MAP4K5: variants seen among roughly 807,000 people sequenced by gnomAD.
MAP4K5 encodes the protein MAPK/ERK kinase kinase kinase 5.
A neutral mutation model predicts 135.6 loss-of-function variants in MAP4K5; 82 were observed. The observed-to-expected ratio is 0.60, with a 90% CI of 0.51 to 0.73. MAP4K5 has a LOEUF of 0.73. MAP4K5 is among the 30% of genes least tolerant of loss of function. The probability of loss-of-function intolerance (pLI) is 0.00; values close to 1 mark genes in which losing one functional copy is unlikely to be tolerated. For synonymous variants in MAP4K5, 347 were observed against 335.0 expected (o/e 1.04, Z -0.39); for missense variants, 907 against 1,010.9 (o/e 0.90, Z 1.39).
chr14:50,510,555 T>C (rs1397447065), intron 2 of MAP4K5, among the ~76,000 whole-genome samples: 2 of 152,192 alleles, frequency 1.3e-5, no homozygotes. Context: ...TATTGCTCTC[T>C]TAAAAAAATT....
chr14:50,551,644 G>A (rs12882292), intron 1 of MAP4K5, among the ~76,000 whole-genome samples: 31,297 of 151,990 alleles, frequency 0.21, 3,932 homozygotes, highest in Middle Eastern at 0.29. Context: ...CTAGCTTTCT[G>A]AATCTAATAG....
chr14:50,561,093 G>A (rs909218805), exon 1 of MAP4K5: 3 of 152,488 alleles, frequency 2.0e-5, no homozygotes, highest in Admixed American at 6.5e-5. Context: ...GAGGGGAAAG[G>A]AGAGGCGAGA....
chr14:50,466,436 T>C (rs1218377354), intron 11 of MAP4K5, 147 bp downstream of exon 11: 4 of 300,230 alleles, frequency 1.3e-5, no homozygotes, highest in African/African-American at 7.2e-5. Context: ...ATCCTTGCCA[T>C]AGGTCTGCAA....
rs755402249 is a variant in MAP4K5, at chr14:50,420,074, T to G, written c.2486A>C (p.Asn829Thr). ...GTAGAGATTGCTGTGTGCAGTAGGA[T>G]TTTCTGTTGGCCTACTTTCCAAAAC... ...VVVLESRPTENPTAHSNLYIL... is the reference protein window; with the variant it reads ...VVVLESRPTETPTAHSNLYIL... Residue 829 changes from asparagine to threonine, a missense_variant, in exon 33 of 33, where the codon AAT becomes ACT. By Grantham distance (65) the Asn-to-Thr change is moderately conservative. Transcript: ENST00000682126. 1 of 1,610,908 alleles carries G rather than the reference T, an allele frequency of 6.2e-7. No homozygotes were observed. Among genetic ancestry groups the G allele is most frequent in the South Asian group, 1.1e-5 (1 of 90,126 alleles).
chr14:50,470,521 G>C (rs2036933628), intron 9 of MAP4K5, among the ~76,000 whole-genome samples: 1 of 151,930 alleles, frequency 6.6e-6, no homozygotes, highest in African/African-American at 2.4e-5. Context: ...TACTTATTGA[G>C]GCTTTTTTTC....
chr14:50,499,588 GC>G (rs2037664737), intron 3 of MAP4K5, among the ~76,000 whole-genome samples: 1 of 151,890 alleles, frequency 6.6e-6, no homozygotes, highest in Admixed American at 6.6e-5. Flanking sequence ...AACCCGGTTG[GC>G]AAAGGTTGCA....
At chr14:50,501,450 C>T (rs891201572) in intron 3 of MAP4K5, among the ~76,000 whole-genome samples, 2 of 151,616 alleles carry the variant, frequency 1.3e-5, no homozygotes, top group Admixed American at 1.3e-4. Flanking sequence ...ATATTAAAAA[C>T]AAAAACAACA....
At chr14:50,451,773 G>GC (rs940269705) in intron 14 of MAP4K5, among the ~76,000 whole-genome samples, 1 of 151,574 alleles carries the variant, frequency 6.6e-6, no homozygotes, top group African/African-American at 2.4e-5. Context: ...TATACCAATG[G>GC]TTAAAAAAAA....
chr14:50,468,447 C>T, intron 10 of MAP4K5: 1 of 538,694 alleles, frequency 1.9e-6, no homozygotes, highest in Non-Finnish European at 3.3e-6. Flanking sequence ...GAACAAGGAG[C>T]TTGATCTGTA....
intron 3 of MAP4K5, among the ~76,000 whole-genome samples, chr14:50,494,884 A>G (rs776297422): frequency 3.9e-5 from 6 of 152,204 alleles, no homozygotes; most frequent in Non-Finnish European, 5.9e-5. Flanking sequence ...ATTCACATGC[A>G]AAAGAATAAA....
At chr14:50,550,182 A>G (rs1235571530) in intron 1 of MAP4K5, among the ~76,000 whole-genome samples, 1 of 152,232 alleles carries the variant, frequency 6.6e-6, no homozygotes, top group Non-Finnish European at 1.5e-5. Flanking sequence ...TGCAGATTGC[A>G]TAGGCAAGGC....
intron 30 of MAP4K5, 46 bp from the exon 31 acceptor site, chr14:50,426,023 AT>A (rs2035838345): frequency 8.5e-7 from 1 of 1,176,122 alleles, no homozygotes; most frequent in Admixed American, 1.9e-5. Context: ...AGCACAGAGC[AT>A]TTCACTATAA....
rs76280767 is a variant in MAP4K5, at chr14:50,544,469, A to G, written c.-179-1885T>C. On this transcript the variant is annotated intron_variant, in intron 1 of 8. Coordinates refer to the MAP4K5 transcript ENST00000555216. Reference sequence around the variant, plus strand: ...GTTTAGGCTTGGACAATTCTGGACAATGACACAGGAGGAAAAGTCTGCTGG... The same window carrying G: ...GTTTAGGCTTGGACAATTCTGGACAGTGACACAGGAGGAAAAGTCTGCTGG... Among the ~76,000 whole-genome samples the G allele has an allele frequency of 6.8e-3, 1,029 of 152,294 alleles. 3 individuals carry two copies. Among genetic ancestry groups the G allele is most frequent in the Middle Eastern group, 0.027 (8 of 294 alleles).
intron 6 of MAP4K5, among the ~76,000 whole-genome samples, chr14:50,479,317 TC>T (rs2037184554): frequency 6.6e-6 from 1 of 152,162 alleles, no homozygotes; most frequent in South Asian, 2.1e-4. Context: ...AATTACTTTT[TC>T]TTTCCATGTT....
chr14:50,441,633 C>T (rs1482522908), intron 21 of MAP4K5, among the ~76,000 whole-genome samples: 2 of 151,698 alleles, frequency 1.3e-5, no homozygotes, highest in Non-Finnish European at 2.9e-5. Flanking sequence ...GGCTGAGGCA[C>T]GAGGATTGCC....
At chr14:50,445,310 A>G in intron 17 of MAP4K5, 116 bp from the exon 18 acceptor site, 3 of 805,868 alleles carry the variant, frequency 3.7e-6, no homozygotes, top group Non-Finnish European at 5.5e-6. Context: ...CACTGGGCTA[A>G]GTGAGCAAAG....
At chr14:50,520,820 CTT>C (rs139101824) in intron 2 of MAP4K5, among the ~76,000 whole-genome samples, 333 of 107,906 alleles carry the variant, frequency 3.1e-3, no homozygotes, top group African/African-American at 8.0e-3. Context: ...GCAAAGTCAT[CTT>C]TTTTTTTTTT....
chr14:50,461,222 G>T (rs1173187660), intron 13 of MAP4K5, among the ~76,000 whole-genome samples: 1 of 151,704 alleles, frequency 6.6e-6, no homozygotes, highest in East Asian at 1.9e-4. Context: ...TAGAGACAGG[G>T]TATCACCATG....
chr14:50,465,275 T>C (rs1009581262), intron 11 of MAP4K5, among the ~76,000 whole-genome samples: 6 of 152,132 alleles, frequency 3.9e-5, no homozygotes, highest in South Asian at 4.1e-4. Context: ...AAAATGGATA[T>C]ACATACAGAA....
Sources: gnomAD v4.1 joint callset for allele counts (sites outside exome capture counted in the v4.1 genomes callset) on GRCh38, gnomAD v4.1.1 for gene constraint, MANE v1.5 for transcripts, NCBI Gene and HGNC (gene_info 2026-07-23, HGNC 2026-07-21) for gene names.